The following SPOCK1 variants were observed in gnomAD, a reference collection of about 807,000 sequenced individuals.
SPOCK1 encodes testican-1.
In SPOCK1, 23 loss-of-function variants were observed where a neutral mutation model predicts 55.3. That is an observed-to-expected ratio of 0.42 (90% CI 0.30 to 0.59). The LOEUF (loss-of-function observed/expected upper bound fraction) is 0.59, where lower values mean the gene tolerates loss of function less well. SPOCK1 is among the 20% of genes least tolerant of loss of function. The pLI is 0.22. For missense variants in SPOCK1, 499 were observed against 552.5 expected, an observed-to-expected ratio of 0.90 and a Z score of 0.97; for synonymous variants, 226 against 221.0, an observed-to-expected ratio of 1.02 and a Z score of -0.20.
At chr5:137,207,436 T>C (rs1051259261) in intron 3 of SPOCK1, among the ~76,000 whole-genome samples, 2 of 152,276 alleles carry the variant, frequency 1.3e-5, no homozygotes, top group Non-Finnish European at 2.9e-5. Flanking sequence ...CCATGAATTT[T>C]TTCAATCAAA....
chr5:137,166,764 A>T (rs2127055669), intron 3 of SPOCK1, among the ~76,000 whole-genome samples: 1 of 152,232 alleles, frequency 6.6e-6, no homozygotes, highest in Non-Finnish European at 1.5e-5. Context: ...GATGGGTTAT[A>T]AGATAGTACT....
chr5:137,076,069 A>G (rs776920173), intron 5 of SPOCK1, among the ~76,000 whole-genome samples: 3 of 152,204 alleles, frequency 2.0e-5, no homozygotes, highest in Non-Finnish European at 4.4e-5. Flanking sequence ...AACCTGCTGT[A>G]CATCAGAGAG....
intron 3 of SPOCK1, among the ~76,000 whole-genome samples, chr5:137,146,648 C>T (rs1422660134): frequency 3.9e-5 from 6 of 152,218 alleles, no homozygotes; most frequent in Admixed American, 2.0e-4. Context: ...ATGCATCTTG[C>T]CTCCCTTGTC....
At chr5:137,471,467 G>T (rs1437266791) in intron 2 of SPOCK1, among the ~76,000 whole-genome samples, 1 of 152,208 alleles carries the variant, frequency 6.6e-6, no homozygotes, top group Non-Finnish European at 1.5e-5. Flanking sequence ...TGGAATACAA[G>T]TAACATGCTC....
chr5:137,029,913 T>G (rs1448035994), intron 6 of SPOCK1, among the ~76,000 whole-genome samples: 1 of 152,212 alleles, frequency 6.6e-6, no homozygotes, highest in Non-Finnish European at 1.5e-5. Flanking sequence ...ATCTGTTTGT[T>G]GCTCAAATTT....
intron 2 of SPOCK1, among the ~76,000 whole-genome samples, chr5:137,429,579 T>A (rs998080227): frequency 7.2e-5 from 11 of 152,206 alleles, no homozygotes; most frequent in Non-Finnish European, 1.6e-4. Context: ...TCAGTAAGTA[T>A]GATTTGGCTT....
At chr5:137,407,312 A>G (rs1752120216) in intron 2 of SPOCK1, among the ~76,000 whole-genome samples, 1 of 152,204 alleles carries the variant, frequency 6.6e-6, no homozygotes, top group Non-Finnish European at 1.5e-5. Flanking sequence ...TGCACTTCAC[A>G]GCTGGGGAGA....
intron 3 of SPOCK1, among the ~76,000 whole-genome samples, chr5:137,165,846 T>A (rs1039258583): frequency 6.6e-6 from 1 of 151,980 alleles, no homozygotes; most frequent in African/African-American, 2.4e-5. Flanking sequence ...AGGCAGGCCA[T>A]TTGAAAACAC....
intron 2 of SPOCK1, among the ~76,000 whole-genome samples, chr5:137,298,854 T>C (rs367750422): frequency 6.6e-6 from 1 of 152,274 alleles, no homozygotes; most frequent in African/African-American, 2.4e-5. Flanking sequence ...TTTCTCCACC[T>C]TTTAATTTTC....
chr5:137,350,913 T>C (rs1336240223), intron 2 of SPOCK1, among the ~76,000 whole-genome samples: 1 of 152,120 alleles, frequency 6.6e-6, no homozygotes. Context: ...TCAAGGGACA[T>C]GAGTTTCTAT....
intron 4 of SPOCK1, among the ~76,000 whole-genome samples, chr5:137,127,275 T>C (rs115592689): frequency 0.014 from 2,106 of 152,328 alleles, 45 homozygotes; most frequent in African/African-American, 0.047. Flanking sequence ...GTGAGTACTA[T>C]GAGGCCACCA....
chr5:137,131,827 C>T (rs1478391428), intron 4 of SPOCK1, among the ~76,000 whole-genome samples: 6 of 149,414 alleles, frequency 4.0e-5, no homozygotes, highest in Admixed American at 4.0e-4. Flanking sequence ...AAAAAATTAG[C>T]CGGGTGTAGG....
chr5:137,484,091 T>G (rs1033627449), intron 2 of SPOCK1, among the ~76,000 whole-genome samples: 14 of 152,186 alleles, frequency 9.2e-5, no homozygotes, highest in African/African-American at 3.4e-4. Flanking sequence ...GTGGTGGGAA[T>G]GGACTTGGTT....
At chr5:137,023,330 T>C (rs542439292) in intron 6 of SPOCK1, among the ~76,000 whole-genome samples, 2 of 152,222 alleles carry the variant, frequency 1.3e-5, no homozygotes, top group African/African-American at 4.8e-5. Flanking sequence ...TAGACCTCAA[T>C]AGAAACAGAA....
chr5:137,330,912 C>T (rs1019658482), intron 2 of SPOCK1, among the ~76,000 whole-genome samples: 2 of 152,176 alleles, frequency 1.3e-5, no homozygotes, highest in East Asian at 3.8e-4. Context: ...GCACATTATA[C>T]GATTTAATCC....
intron 2 of SPOCK1, among the ~76,000 whole-genome samples, chr5:137,470,561 C>A (rs546785330): frequency 1.6e-4 from 24 of 152,240 alleles, no homozygotes; most frequent in African/African-American, 5.8e-4. Flanking sequence ...CCCTCGAGAC[C>A]CCACCATGCC....
At chr5:137,058,494 A>G (rs1030609566) in intron 6 of SPOCK1, among the ~76,000 whole-genome samples, 1 of 152,258 alleles carries the variant, frequency 6.6e-6, no homozygotes, top group Non-Finnish European at 1.5e-5. Context: ...TATGGTACAT[A>G]TGTACAATGG....
chr5:137,303,661 A>C (rs1225502264), intron 2 of SPOCK1, among the ~76,000 whole-genome samples: 1 of 152,160 alleles, frequency 6.6e-6, no homozygotes, highest in African/African-American at 2.4e-5. Context: ...GAGAACAACA[A>C]TGCCTGGTTG....
At chr5:137,258,429 A>T (rs1243065174) in intron 3 of SPOCK1, among the ~76,000 whole-genome samples, 1 of 152,258 alleles carries the variant, frequency 6.6e-6, no homozygotes, top group Non-Finnish European at 1.5e-5. Flanking sequence ...GTTGTAGAGG[A>T]CGCAGGTGAT....
Sources: gnomAD v4.1 joint callset for allele counts (sites outside exome capture counted in the v4.1 genomes callset) on GRCh38, gnomAD v4.1.1 for gene constraint, MANE v1.5 for transcripts, NCBI Gene and HGNC (gene_info 2026-07-23, HGNC 2026-07-21) for gene names.